Variants in CSMD1 observed in about 807,000 individuals in gnomAD.
The protein encoded by CSMD1 is CUB and sushi domain-containing protein 1.
Under a neutral mutation model 417.5 loss-of-function variants are expected in CSMD1, and 213 were observed. That is an observed-to-expected ratio of 0.51 (90% CI 0.46 to 0.57). The LOEUF is 0.57. Ranked by LOEUF, CSMD1 falls within the 20% of genes least tolerant of loss-of-function variation. The pLI is 0.00. For missense variants in CSMD1, 6,923 were observed against 4,529.7 expected, an observed-to-expected ratio of 1.53 and a Z score of -15.17; for synonymous variants, 2,862 against 1,736.8, an observed-to-expected ratio of 1.65 and a Z score of -16.11.
chr8:3,275,527 C>T (rs1370727940), intron 26 of CSMD1, among the ~76,000 whole-genome samples: 1 of 152,160 alleles, frequency 6.6e-6, no homozygotes, highest in Non-Finnish European at 1.5e-5. Flanking sequence ...AGAGTGTTTT[C>T]CTACTTGGTT....
At chr8:4,686,945 G>A (rs1563142121) in intron 1 of CSMD1, among the ~76,000 whole-genome samples, 2 of 152,192 alleles carry the variant, frequency 1.3e-5, no homozygotes, top group Non-Finnish European at 2.9e-5. Flanking sequence ...GGAAGTGGAG[G>A]AGACACGTCT....
chr8:3,759,796 T>G (rs1470420253), intron 5 of CSMD1, among the ~76,000 whole-genome samples: 1 of 148,212 alleles, frequency 6.7e-6, no homozygotes, highest in Admixed American at 6.8e-5. Flanking sequence ...TAATCGCAGC[T>G]ACTCGGGAAG....
At chr8:3,749,729 GT>G (rs753922630) in intron 6 of CSMD1, among the ~76,000 whole-genome samples, 27 of 151,382 alleles carry the variant, frequency 1.8e-4, no homozygotes, top group East Asian at 3.9e-4. Context: ...TACGGTTTAT[GT>G]TTTTTTTTCC....
rs566955579 is a variant in CSMD1 at position 4,696,623 on chromosome 8, G to A, written c.86-59065C>T. On this transcript the variant is annotated intron_variant, in intron 1 of 69. Coordinates refer to ENST00000635120, the MANE Select transcript of CSMD1 (RefSeq NM_033225.6). ...TACCCAGATTTATTATCCAAACAAC[G>A]TATTTCATACTTTTTTCATTTATCT... is the stretch of plus-strand genomic sequence containing the variant. Among the ~76,000 whole-genome samples the A allele has an allele frequency of 4.1e-4, 62 of 152,134 alleles. 1 individual carries two copies. The highest frequency in any genetic ancestry group is 3.9e-4 in the East Asian group (2 of 5,164).
intron 12 of CSMD1, among the ~76,000 whole-genome samples, chr8:3,427,554 T>C (rs564816870): frequency 1.3e-5 from 2 of 152,310 alleles, no homozygotes; most frequent in African/African-American, 4.8e-5. Context: ...TATAGGTGTA[T>C]GGAAATAATC....
chr8:3,876,547 TA>T (rs1181839340), intron 5 of CSMD1, among the ~76,000 whole-genome samples: 2 of 152,326 alleles, frequency 1.3e-5, no homozygotes, highest in East Asian at 1.9e-4. Context: ...TATTTATTCC[TA>T]AAAAATTATT....
chr8:4,265,088 T>A (rs1206674814), intron 3 of CSMD1, among the ~76,000 whole-genome samples: 1 of 152,172 alleles, frequency 6.6e-6, no homozygotes, highest in Non-Finnish European at 1.5e-5. Flanking sequence ...AGAATCATCA[T>A]ATTCAGAGCT....
At chr8:4,085,618 G>A (rs907460822) in intron 3 of CSMD1, among the ~76,000 whole-genome samples, 7 of 152,100 alleles carry the variant, frequency 4.6e-5, no homozygotes, top group African/African-American at 7.2e-5. Flanking sequence ...GGAACCTCAC[G>A]GGAACTGTGC....
chr8:3,421,025 G>T (rs1813455971), intron 12 of CSMD1, among the ~76,000 whole-genome samples: 2 of 152,082 alleles, frequency 1.3e-5, no homozygotes, highest in Non-Finnish European at 2.9e-5. Context: ...ACTAAAAGCT[G>T]TGTAAAGTTT....
chr8:3,100,360 A>C (rs1310528155), intron 46 of CSMD1, among the ~76,000 whole-genome samples: 1 of 152,232 alleles, frequency 6.6e-6, no homozygotes, highest in Admixed American at 6.5e-5. Context: ...CCATGAGCGA[A>C]AGTGATTTGT....
At chr8:2,947,146 G>C (rs1802298558) in intron 68 of CSMD1, among the ~76,000 whole-genome samples, 1 of 152,098 alleles carries the variant, frequency 6.6e-6, no homozygotes, top group African/African-American at 2.4e-5. Context: ...ATAATTTTAT[G>C]TATTTTCTCT....
At chr8:3,639,436 C>T (rs892939587) in intron 7 of CSMD1, among the ~76,000 whole-genome samples, 3 of 152,090 alleles carry the variant, frequency 2.0e-5, no homozygotes, top group African/African-American at 7.2e-5. Context: ...GAAAAAACAT[C>T]CTTGATAAAT....
chr8:4,599,313 G>A (rs1343644874), intron 2 of CSMD1, among the ~76,000 whole-genome samples: 1 of 151,976 alleles, frequency 6.6e-6, no homozygotes, highest in Non-Finnish European at 1.5e-5. Flanking sequence ...TCATTACTGT[G>A]TAGTCAACTA....
rs76152837 is a variant in CSMD1 at position 4,001,181 on chromosome 8, T to C, written c.611-3071A>G. Among the ~76,000 whole-genome samples, 36 of 152,298 alleles carry C rather than the reference T, an allele frequency of 2.4e-4. No homozygotes were observed. In the East Asian group the frequency reaches 5.6e-3, roughly 24 times the overall value. On this transcript the variant is annotated intron_variant, in intron 4 of 69. Transcript: ENST00000635120. ...TTATGTGCATGGTATAGAATAAACA[T>C]AGAATACAAGTGTATAGAATAAGAA...
At chr8:3,722,462 A>G (rs1802239606) in intron 6 of CSMD1, among the ~76,000 whole-genome samples, 1 of 152,160 alleles carries the variant, frequency 6.6e-6, no homozygotes, top group African/African-American at 2.4e-5. Flanking sequence ...GCTTGCCCCA[A>G]CCTCAGACAG....
chr8:4,937,789 C>G (rs969996500), intron 1 of CSMD1, among the ~76,000 whole-genome samples: 3 of 151,816 alleles, frequency 2.0e-5, no homozygotes, highest in African/African-American at 4.8e-5. Context: ...CGCGTGCACA[C>G]ACACACACAC....
intron 1 of CSMD1, among the ~76,000 whole-genome samples, chr8:4,973,858 A>G (rs527549138): frequency 6.6e-6 from 1 of 152,300 alleles, no homozygotes; most frequent in African/African-American, 2.4e-5. Context: ...TTTCAAATCA[A>G]CGTGACAAAT....
intron 5 of CSMD1, among the ~76,000 whole-genome samples, chr8:3,836,059 C>T (rs909257390): frequency 1.3e-5 from 2 of 151,956 alleles, no homozygotes; most frequent in African/African-American, 4.8e-5. Context: ...TATTGATTTT[C>T]TATGTCTCTA....
intron 3 of CSMD1, among the ~76,000 whole-genome samples, chr8:4,282,346 T>C (rs1453385673): frequency 6.6e-6 from 1 of 152,166 alleles, no homozygotes; most frequent in Non-Finnish European, 1.5e-5. Flanking sequence ...ACACAGATCT[T>C]CTGGCCACTG....
Sources: gnomAD v4.1 joint callset for allele counts (sites outside exome capture counted in the v4.1 genomes callset) on GRCh38, gnomAD v4.1.1 for gene constraint, MANE v1.5 for transcripts, NCBI Gene and HGNC (gene_info 2026-07-23, HGNC 2026-07-21) for gene names.